The following ERC2 variants were observed in gnomAD, a reference collection of about 807,000 sequenced individuals.
The protein encoded by ERC2 is ELKS/RAB6-interacting/CAST family member 2.
A neutral mutation model predicts 114.8 loss-of-function variants in ERC2; 42 were observed. The observed-to-expected ratio is 0.37, with a 90% CI of 0.29 to 0.47. ERC2 has a LOEUF of 0.47. Ranked by LOEUF, ERC2 falls within the 20% of genes least tolerant of loss-of-function variation. ERC2 has a pLI of 0.99. For synonymous variants in ERC2, 454 were observed against 425.5 expected, an observed-to-expected ratio of 1.07 and a Z score of -0.82; for missense variants, 939 against 1,150.7, an observed-to-expected ratio of 0.82 and a Z score of 2.66.
At chr3:55,842,539 G>A (rs1394320069) in intron 14 of ERC2, among the ~76,000 whole-genome samples, 4 of 152,062 alleles carry the variant, frequency 2.6e-5, no homozygotes, top group African/African-American at 9.7e-5. Context: ...ACTGTAGACT[G>A]ATAACTATTA....
intron 15 of ERC2, among the ~76,000 whole-genome samples, chr3:55,721,239 T>C (rs557551014): frequency 1.2e-3 from 178 of 152,362 alleles, no homozygotes; most frequent in Non-Finnish European, 2.0e-3. Flanking sequence ...ATCTGCAAAG[T>C]GGGCATAATG....
chr3:56,096,647 T>C (rs1354616834), intron 6 of ERC2, among the ~76,000 whole-genome samples: 4 of 152,218 alleles, frequency 2.6e-5, no homozygotes, highest in Non-Finnish European at 5.9e-5. Context: ...CTAGTTATAA[T>C]GATAGAAGTG....
intron 14 of ERC2, among the ~76,000 whole-genome samples, chr3:55,768,221 T>C (rs2067954553): frequency 6.6e-6 from 1 of 152,242 alleles, no homozygotes; most frequent in Non-Finnish European, 1.5e-5. Context: ...TATTTGTTTA[T>C]AGCAATGTGA....
At chr3:56,014,219 T>C (rs2073151704) in intron 8 of ERC2, among the ~76,000 whole-genome samples, 1 of 152,180 alleles carries the variant, frequency 6.6e-6, no homozygotes, top group African/African-American at 2.4e-5. Context: ...AACTTGAATG[T>C]TTTGAAATAG....
chr3:55,576,030 G>A (rs2056962438), intron 17 of ERC2, among the ~76,000 whole-genome samples: 1 of 152,184 alleles, frequency 6.6e-6, no homozygotes. Context: ...TCCAAAATAG[G>A]TTGGGTACGG....
At chr3:56,423,848 C>A (rs2061472485) in intron 2 of ERC2, among the ~76,000 whole-genome samples, 1 of 152,192 alleles carries the variant, frequency 6.6e-6, no homozygotes, top group Non-Finnish European at 1.5e-5. Flanking sequence ...ATCTGTGTGT[C>A]TGTGAAATAG....
chr3:56,105,262 T>C (rs970823713), intron 6 of ERC2, among the ~76,000 whole-genome samples: 1 of 152,144 alleles, frequency 6.6e-6, no homozygotes, highest in African/African-American at 2.4e-5. Context: ...GGTGTCACTG[T>C]GAAGACTTTG....
intron 14 of ERC2, among the ~76,000 whole-genome samples, chr3:55,764,030 A>G (rs2067614424): frequency 6.6e-6 from 1 of 152,226 alleles, no homozygotes; most frequent in South Asian, 2.1e-4. Flanking sequence ...CCCCCAAACA[A>G]GTTCCCAAAT....
chr3:55,660,740 T>G (rs1205734739), intron 17 of ERC2, among the ~76,000 whole-genome samples: 3 of 152,318 alleles, frequency 2.0e-5, no homozygotes, highest in Admixed American at 1.3e-4. Flanking sequence ...TTGGGTATGA[T>G]GTCCCACAGA....
At chr3:56,140,376 T>C (rs1474793887) in intron 5 of ERC2, among the ~76,000 whole-genome samples, 3 of 152,242 alleles carry the variant, frequency 2.0e-5, no homozygotes, top group Non-Finnish European at 2.9e-5. Flanking sequence ...TTTGCATCCA[T>C]AAATATACAC....
At chr3:55,619,142 A>G (rs2059234870) in intron 17 of ERC2, among the ~76,000 whole-genome samples, 1 of 152,184 alleles carries the variant, frequency 6.6e-6, no homozygotes, top group Non-Finnish European at 1.5e-5. Flanking sequence ...ATAAAACAGG[A>G]ACAGTTCTTA....
At chr3:55,520,039 A>G (rs1464626136) in intron 17 of ERC2, among the ~76,000 whole-genome samples, 2 of 135,172 alleles carry the variant, frequency 1.5e-5, no homozygotes, top group African/African-American at 6.1e-5. Context: ...TGGGTGATAG[A>G]GTGAGACCCA....
chr3:56,400,000 G>T (rs1256723350), intron 2 of ERC2, among the ~76,000 whole-genome samples: 1 of 150,972 alleles, frequency 6.6e-6, no homozygotes, highest in Non-Finnish European at 1.5e-5. Context: ...GTCCTTATTT[G>T]AATTCTGATT....
chr3:55,668,222 C>A (rs1363741458), intron 17 of ERC2, among the ~76,000 whole-genome samples: 1 of 152,114 alleles, frequency 6.6e-6, no homozygotes, highest in Admixed American at 6.5e-5. Flanking sequence ...GTTTAAGGAG[C>A]TGGGTCTGAA....
In ERC2 at chr3:56,435,082, G is replaced by A. The variant is rs1460095698; in HGVS notation, c.-75C>T. ...TTGGGGTTTGAGCTAATATTTCCAC[G>A]ATTGTCCAGAATTTTCACCGCATTC... On this transcript the variant is annotated 5_prime_UTR_variant, in exon 2 of 18. Coordinates refer to ENST00000288221, the MANE Select transcript of ERC2 (RefSeq NM_015576.3). 15 of 1,158,522 alleles carry A rather than the reference G, an allele frequency of 1.3e-5. No homozygotes were observed. The highest frequency in any genetic ancestry group is 1.6e-5 in the South Asian group (1 of 63,654). 71.8% of individuals were successfully genotyped at this position (1,158,522 alleles called of 1,614,324 possible).
intron 15 of ERC2, among the ~76,000 whole-genome samples, chr3:55,719,637 A>G (rs1265592330): frequency 6.6e-6 from 1 of 152,216 alleles, no homozygotes; most frequent in Non-Finnish European, 1.5e-5. Context: ...ACTATCTGCT[A>G]TTAAGATAAA....
chr3:55,731,823 G>C (rs2065269499), intron 15 of ERC2, among the ~76,000 whole-genome samples: 1 of 152,174 alleles, frequency 6.6e-6, no homozygotes, highest in East Asian at 1.9e-4. Context: ...AAAAGTATTA[G>C]TAATTGTTGT....
intron 14 of ERC2, among the ~76,000 whole-genome samples, chr3:55,830,885 A>G (rs1041388533): frequency 2.0e-5 from 3 of 152,214 alleles, no homozygotes; most frequent in African/African-American, 7.2e-5. Context: ...TTGAGGCTGC[A>G]GTGAGCTAGG....
chr3:56,086,242 C>T (rs1419417259), intron 6 of ERC2, among the ~76,000 whole-genome samples: 14 of 152,100 alleles, frequency 9.2e-5, no homozygotes, highest in Admixed American at 9.2e-4. Context: ...TAAAAAACAA[C>T]CCTAGCCATG....
Sources: gnomAD v4.1 joint callset for allele counts (sites outside exome capture counted in the v4.1 genomes callset) on GRCh38, gnomAD v4.1.1 for gene constraint, MANE v1.5 for transcripts, NCBI Gene and HGNC (gene_info 2026-07-23, HGNC 2026-07-21) for gene names.